The following SLAMF6 variants were observed in gnomAD, a reference collection of about 807,000 sequenced individuals.
SLAMF6 encodes the protein SLAM family member 6, also known as NK-T-B-antigen.
Under a neutral mutation model 38.3 loss-of-function variants are expected in SLAMF6, and 21 were observed. That is an observed-to-expected ratio of 0.55 (90% CI 0.39 to 0.79). The LOEUF is 0.79. Among genes scored for constraint, SLAMF6 ranks in the 30% least tolerant of loss-of-function variants. The pLI is 0.00. For missense variants in SLAMF6, 341 were observed against 385.3 expected (o/e 0.89, Z 0.96); for synonymous variants, 152 against 146.3 (o/e 1.04, Z -0.28).
chr1:160,501,279 C>A (rs148097437), intron 1 of SLAMF6, among the ~76,000 whole-genome samples: 2 of 152,210 alleles, frequency 1.3e-5, no homozygotes, highest in South Asian at 4.1e-4. Context: ...GATAGAGGAG[C>A]CTGACAGGTA....
intron 6 of SLAMF6, among the ~76,000 whole-genome samples, chr1:160,488,704 C>T (rs570373228): frequency 6.6e-6 from 1 of 152,146 alleles, no homozygotes; most frequent in Non-Finnish European, 1.5e-5. Flanking sequence ...TATGGAACTA[C>T]GTCCATAGGA....
intron 1 of SLAMF6, among the ~76,000 whole-genome samples, chr1:160,501,750 A>T (rs1653908467): frequency 1.4e-5 from 2 of 137,996 alleles, no homozygotes; most frequent in Non-Finnish European, 3.1e-5. Flanking sequence ...GCCTTTCTTC[A>T]TCTTTCCTAC....
chr1:160,486,611 C>T lies in SLAMF6; in HGVS notation c.*96G>A. 1 of 1,306,174 alleles carries T rather than the reference C, an allele frequency of 7.7e-7. No individual in the cohort carries two copies. The highest frequency in any genetic ancestry group is 1.2e-5 in the South Asian group (1 of 82,774). 80.9% of individuals were successfully genotyped at this position (1,306,174 alleles called of 1,614,324 possible). A position where few individuals can be genotyped will look rare whatever the true frequency, so the allele number is the denominator to read the frequency against. ...TATCCTAGATATTCAAATTCTGTTG[C>T]CAGGAACAACAGGAACCAAGCTTCC... On this transcript the variant is annotated 3_prime_UTR_variant, in exon 8 of 8. Coordinates refer to ENST00000368057, the MANE Select transcript of SLAMF6 (RefSeq NM_001184714.2).
At chr1:160,500,376 T>C (rs1282514935) in intron 1 of SLAMF6, among the ~76,000 whole-genome samples, 3 of 152,210 alleles carry the variant, frequency 2.0e-5, no homozygotes, top group Admixed American at 6.5e-5. Flanking sequence ...CCCTTGGCTA[T>C]TCCTTGAGCA....
chr1:160,494,184 T>C (rs922479381), intron 2 of SLAMF6, among the ~76,000 whole-genome samples: 5 of 152,208 alleles, frequency 3.3e-5, no homozygotes, highest in African/African-American at 1.2e-4. Flanking sequence ...TGCACTATTG[T>C]AAAACTACCT....
chr1:160,496,876 A>T (rs1467583666), intron 1 of SLAMF6, among the ~76,000 whole-genome samples: 1 of 152,174 alleles, frequency 6.6e-6, no homozygotes, highest in Admixed American at 6.5e-5. Context: ...AATATCAGGG[A>T]TTTATAGGAT....
At chr1:160,515,788 T>G (rs1412481078) in intron 1 of SLAMF6, among the ~76,000 whole-genome samples, 1 of 152,150 alleles carries the variant, frequency 6.6e-6, no homozygotes, top group Non-Finnish European at 1.5e-5. Context: ...GAAAAGGCCT[T>G]CTATAAAATT....
intron 5 of SLAMF6, among the ~76,000 whole-genome samples, chr1:160,489,657 C>G (rs1179929553): frequency 6.6e-6 from 1 of 152,160 alleles, no homozygotes; most frequent in East Asian, 1.9e-4. Context: ...AACAGCAACT[C>G]AAATGCACGT....
intron 1 of SLAMF6, among the ~76,000 whole-genome samples, chr1:160,510,002 C>G (rs1207062555): frequency 6.6e-6 from 1 of 151,760 alleles, no homozygotes; most frequent in Admixed American, 6.6e-5. Flanking sequence ...ATTGAATAAC[C>G]TAGATGAAAT....
chr1:160,515,108 G>A (rs115566612), intron 1 of SLAMF6, among the ~76,000 whole-genome samples: 4,162 of 152,080 alleles, frequency 0.027, 76 homozygotes, highest in Non-Finnish European at 0.04. Flanking sequence ...TAGACTGCTA[G>A]TTAGCTAGAC....
chr1:160,490,772 A>G, intron 3 of SLAMF6, 87 bp from the exon 4 acceptor site: 1 of 1,524,666 alleles, frequency 6.6e-7, no homozygotes, highest in Non-Finnish European at 8.8e-7. Flanking sequence ...CTTCTAGGCC[A>G]TCTTTGGGGA....
At chr1:160,499,323 C>T (rs961031751) in intron 1 of SLAMF6, among the ~76,000 whole-genome samples, 1 of 152,126 alleles carries the variant, frequency 6.6e-6, no homozygotes, top group Non-Finnish European at 1.5e-5. Flanking sequence ...GGAGTCCTTT[C>T]CCCATTGCTC....
rs112056343 is a variant in SLAMF6, at chr1:160,514,465, A to C, written c.49+8679T>G. Among the ~76,000 whole-genome samples the C allele has an allele frequency of 9.3e-3, 1,422 of 152,304 alleles. 28 individuals are homozygous for C. The highest frequency in any genetic ancestry group is 0.033 in the African/African-American group (1,354 of 41,570). ...GATCATTCAGACAGAAAATTAACAA[A>C]GATATTCAGGACTTGAACTCAGCTC... On this transcript the variant is annotated intron_variant, in intron 1 of 7. Transcript: ENST00000368057.
At chr1:160,493,720 A>T (rs1653421283) in intron 2 of SLAMF6, among the ~76,000 whole-genome samples, 1 of 152,146 alleles carries the variant, frequency 6.6e-6, no homozygotes, top group Non-Finnish European at 1.5e-5. Context: ...TAAAGATACT[A>T]CTCAAGACTA....
At chr1:160,521,333 C>T (rs1654974192) in intron 1 of SLAMF6, among the ~76,000 whole-genome samples, 1 of 152,116 alleles carries the variant, frequency 6.6e-6, no homozygotes, top group South Asian at 2.1e-4. Context: ...TGTTCTGTGC[C>T]TTCTTTCCCC....
Position 160,507,237 on chromosome 1 carries a change from T to G in SLAMF6, c.50-10844A>C, listed in dbSNP as rs560868201. On this transcript the variant is annotated intron_variant, in intron 1 of 7. Coordinates refer to ENST00000368057, the MANE Select transcript of SLAMF6 (RefSeq NM_001184714.2). ...AGTAGTAACCAAAAGAGAGTTACAGTAGCTATACTAATATTGGCAAATAGA... is the reference window on the plus strand; with the variant it reads ...AGTAGTAACCAAAAGAGAGTTACAGGAGCTATACTAATATTGGCAAATAGA... Among the ~76,000 whole-genome samples, 4 of 152,282 alleles carry G rather than the reference T, an allele frequency of 2.6e-5. No homozygotes were observed. The South Asian group carries it at 8.3e-4, about 32-fold the overall frequency.
chr1:160,496,494 G>C lies in SLAMF6; in HGVS notation c.50-101C>G. 2.6e-6 allele frequency: 3 copies of C among 1,153,950 alleles called. No homozygotes were observed. The South Asian group carries it at 4.4e-5, about 17-fold the overall frequency. 71.5% of individuals were successfully genotyped at this position (1,153,950 alleles called of 1,614,324 possible). On this transcript the variant is annotated intron_variant, in intron 1 of 7. Coordinates refer to ENST00000368057, the MANE Select transcript of SLAMF6 (RefSeq NM_001184714.2). ...CGCTGCCAGTCTGTTAGAGCTCTCTGATACCAAAACTCAGAGATATGACAG... is the reference window on the plus strand; with the variant it reads ...CGCTGCCAGTCTGTTAGAGCTCTCTCATACCAAAACTCAGAGATATGACAG...
chr1:160,523,213 G>T lies in SLAMF6; in HGVS notation c.-21C>A. 4.3e-6 allele frequency: 7 copies of T among 1,611,804 alleles called. No homozygotes were observed. Among genetic ancestry groups the T allele is most frequent in the Non-Finnish European group, 5.9e-6 (7 of 1,178,986 alleles). The stretch of plus-strand genomic sequence containing the variant: ...AACATGCTTTCCGCGGTGAAGACTG[G>T]TGCTTGAGACCTTGAGGCAGTCAAT... On this transcript the variant is annotated 5_prime_UTR_variant, in exon 1 of 8. Transcript: ENST00000368057.
chr1:160,511,119 T>C lies in SLAMF6; in HGVS notation c.49+12025A>G, dbSNP rs139546088. 8.7e-4 allele frequency among the ~76,000 whole-genome samples: 133 copies of C among 152,310 alleles called. 1 individual carries two copies. The East Asian group carries it at 0.021, about 24-fold the overall frequency. On this transcript the variant is annotated intron_variant, in intron 1 of 7. Transcript: ENST00000368057. ...GGAAATACATCCTATGTTCATTAAT[T>C]GGAAGATAATATTAATATGCCGATA... is the stretch of plus-strand genomic sequence containing the variant.
Sources: gnomAD v4.1 joint callset for allele counts (sites outside exome capture counted in the v4.1 genomes callset) on GRCh38, gnomAD v4.1.1 for gene constraint, MANE v1.5 for transcripts, NCBI Gene and HGNC (gene_info 2026-07-23, HGNC 2026-07-21) for gene names.